Variants in ZNF311 observed in about 807,000 individuals in gnomAD.
ZNF311 encodes zinc finger protein 311, also known as zinc finger protein zfp31.
ZNF311 carries 14 observed loss-of-function variants against 22.7 expected under a neutral mutation model. The observed-to-expected ratio is 0.62, with a 90% CI of 0.41 to 0.96. The LOEUF (loss-of-function observed/expected upper bound fraction) is 0.96, where lower values mean the gene tolerates loss of function less well. Among genes scored for constraint, ZNF311 ranks in the 40% least tolerant of loss-of-function variants. ZNF311 has a pLI of 0.00. For missense variants in ZNF311, 731 were observed against 799.0 expected (o/e 0.91, Z 1.03); for synonymous variants, 250 against 275.3 (o/e 0.91, Z 0.91).
Position 28,995,294 on chromosome 6 carries a change from G to A in ZNF311, c.1708C>T (p.Leu570=), listed in dbSNP as rs1779320628. The A allele has an allele frequency of 1.2e-6, 2 of 1,614,018 alleles. No homozygotes were observed. Among genetic ancestry groups the A allele is most frequent in the Non-Finnish European group, 1.7e-6 (2 of 1,180,032 alleles). ...GTGTGGATTCTTTTGTGCTGCCTCAGGACTGAACTATGATGGAAGGCCATT... is the reference window on the plus strand; with the variant it reads ...GTGTGGATTCTTTTGTGCTGCCTCAAGACTGAACTATGATGGAAGGCCATT... ...CGMAFHHSSV[L]RQHKRIHTGE... is the part of the protein sequence containing the mutation. Residue 570 remains leucine (L), a synonymous_variant, in exon 7 of 7, where the codon CTG becomes TTG. Transcript: ENST00000377179. The surrounding 1 kb of genome is among the most constrained non-coding windows in gnomAD (Gnocchi z 4.7).
chr6:29,003,116 A>G (rs1318604684), intron 3 of ZNF311, among the ~76,000 whole-genome samples: 1 of 152,208 alleles, frequency 6.6e-6, no homozygotes, highest in Non-Finnish European at 1.5e-5. Context: ...ATATATTCAA[A>G]TTTTACATGT....
Position 28,996,050 on chromosome 6 carries a change from G to C in ZNF311, c.952C>G (p.Leu318Val). 3.1e-6 allele frequency: 5 copies of C among 1,613,372 alleles called. No individual in the cohort carries two copies. The highest frequency in any genetic ancestry group is 4.2e-6 in the Non-Finnish European group (5 of 1,180,036). ...CTGTGGGTTTTTTTATGTCGGCAAA[G>C]AGCTGATCTACTGTTGAAAGCCTTC... ...CGKAFNSRSA[L>V]CRHKKTHSGE... The change falls in exon 7 of 7, where the codon CTT becomes GTT. Residue 318 changes from leucine to valine, a missense_variant. Transcript: ENST00000377179.
chr6:29,001,704 A>G (rs1322812361), intron 3 of ZNF311, among the ~76,000 whole-genome samples: 1 of 152,258 alleles, frequency 6.6e-6, no homozygotes, highest in Non-Finnish European at 1.5e-5. Context: ...ATATCCATAT[A>G]CCAATCACTT....
chr6:28,994,833 T>C lies in ZNF311; in HGVS notation c.*168A>G. 1.4e-6 allele frequency: 1 copy of C among 714,374 alleles called. No homozygotes were observed. The highest frequency in any genetic ancestry group is 3.1e-5 in the Admixed American group (1 of 32,768). 44.3% of individuals were successfully genotyped at this position (714,374 alleles called of 1,614,324 possible). A position where few individuals can be genotyped will look rare whatever the true frequency, so the allele number is the denominator to read the frequency against. On this transcript the variant is annotated 3_prime_UTR_variant, in exon 7 of 7. Coordinates refer to ENST00000377179, the MANE Select transcript of ZNF311 (RefSeq NM_001382360.1). ...TATTAGGAAGTGATTGATAAACTCT[T>C]GGAAGTAAATGTGCTCACTGAAAAA...
Position 29,003,510 on chromosome 6 carries a change from C to T in ZNF311, c.91+3G>A. On this transcript the variant is annotated splice_donor_region_variant and intron_variant, in intron 3 of 6. Coordinates refer to ENST00000377179, the MANE Select transcript of ZNF311 (RefSeq NM_001382360.1). Reference sequence around the variant, plus strand: ...TCCTGCCACAATCTCCTGTGTATCTCACCGCTTTCCTGAGGGAGCTGGGTA... The same window carrying T: ...TCCTGCCACAATCTCCTGTGTATCTTACCGCTTTCCTGAGGGAGCTGGGTA... 1.2e-6 allele frequency: 2 copies of T among 1,613,034 alleles called. No individual in the cohort carries two copies. Among genetic ancestry groups the T allele is most frequent in the South Asian group, 1.1e-5 (1 of 91,090 alleles).
In ZNF311 at chr6:29,004,002, C is replaced by G. The variant is rs1780820548; in HGVS notation, c.-48G>C. 1.2e-6 allele frequency: 2 copies of G among 1,612,828 alleles called. No homozygotes were observed. The highest frequency in any genetic ancestry group is 1.7e-6 in the Non-Finnish European group (2 of 1,179,922). ...CAGTCTTCCACTGCTGTCCTGGTTT[C>G]TTCCTACTGGTCAGATCCAGTTCTC... On this transcript the variant is annotated 5_prime_UTR_variant, in exon 2 of 7. Coordinates refer to ENST00000377179, the MANE Select transcript of ZNF311 (RefSeq NM_001382360.1).
At position 28,995,785 on chromosome 6, in the gene ZNF311, ATG is replaced by A; in HGVS notation, c.1215_1216del (p.Ile406LysfsTer10). The A allele has an allele frequency of 1.2e-6, 2 of 1,612,978 alleles. No homozygotes were observed. The highest frequency in any genetic ancestry group is 1.1e-5 in the South Asian group (1 of 91,030). On this transcript the variant is annotated frameshift_variant, in exon 7 of 7. Transcript: ENST00000377179. LOFTEE classifies it low-confidence loss of function (END_TRUNC). This position sits in a 1 kb window ranked among gnomAD's most constrained non-coding sequence, Gnocchi z 4.7. Reference sequence around the variant, plus strand: ...AGGTCGTTCCCCAGTGTGGATTCTTATGTGTTTGGTGAGGTCTGAACTCCCAC... The same window carrying A: ...AGGTCGTTCCCCAGTGTGGATTCTTATGTTTGGTGAGGTCTGAACTCCCAC...
intron 6 of ZNF311, 57 bp from the exon 7 acceptor site, chr6:28,996,643 G>A: frequency 6.6e-7 from 1 of 1,518,798 alleles, no homozygotes. Flanking sequence ...TGGGAGGCGT[G>A]AAGCAATGTT....
Position 29,003,610 on chromosome 6 carries a change from G to C in ZNF311, c.10-16C>G. ...ACAGCACAACCTATTGCAAGACACA[G>C]AATGAATTCAGGAAAGTTATGAAGG... On this transcript the variant is annotated splice_polypyrimidine_tract_variant and intron_variant, in intron 2 of 6. Coordinates refer to ENST00000377179, the MANE Select transcript of ZNF311 (RefSeq NM_001382360.1). The C allele has an allele frequency of 6.2e-7, 1 of 1,612,872 alleles. No homozygotes were observed. Among genetic ancestry groups the C allele is most frequent in the Non-Finnish European group, 8.5e-7 (1 of 1,179,844 alleles).
chr6:29,002,641 G>C (rs1988329), intron 3 of ZNF311, among the ~76,000 whole-genome samples: 1 of 126,242 alleles, frequency 7.9e-6, no homozygotes, highest in East Asian at 2.5e-4. Flanking sequence ...TTTTTTTTTA[G>C]ACAGAGTCTC....
chr6:28,999,774 G>T, intron 4 of ZNF311, 161 bp from the exon 5 acceptor site: 1 of 1,272,860 alleles, frequency 7.9e-7, no homozygotes, highest in Non-Finnish European at 1.1e-6. Flanking sequence ...ATGGGGTTTT[G>T]ATAGCAAAAA....
In ZNF311 at chr6:29,004,031, C is replaced by G; in HGVS notation, c.-77G>C. Reference sequence around the variant, plus strand: ...CTACTGGTCAGATCCAGTTCTCAAACAAGCTGTGAAGTGGCTCCAGTTGAT... The same window carrying G: ...CTACTGGTCAGATCCAGTTCTCAAAGAAGCTGTGAAGTGGCTCCAGTTGAT... On this transcript the variant is annotated 5_prime_UTR_variant, in exon 2 of 7. Transcript: ENST00000377179. The G allele has an allele frequency of 6.2e-7, 1 of 1,612,296 alleles. No homozygotes were observed. Among genetic ancestry groups the G allele is most frequent in the Non-Finnish European group, 8.5e-7 (1 of 1,179,608 alleles).
chr6:29,004,442 C>CTTTTTTTTTTTTTTTT (rs9280531), intron 1 of ZNF311, among the ~76,000 whole-genome samples: 25 of 30,606 alleles, frequency 8.2e-4, no homozygotes, highest in African/African-American at 2.7e-3. Context: ...TTCCTCCTTT[C>CTTTTTTTTTTTTTTTT]TTTTTTTTTT....
At chr6:28,998,498 C>A (rs1056350503) in intron 6 of ZNF311, among the ~76,000 whole-genome samples, 6 of 152,124 alleles carry the variant, frequency 3.9e-5, no homozygotes, top group African/African-American at 7.2e-5. Context: ...AGCCTCTGAG[C>A]CTTTTTTGAG....
intron 3 of ZNF311, 113 bp from the exon 4 acceptor site, chr6:29,000,160 T>G: frequency 9.4e-6 from 9 of 953,980 alleles, no homozygotes; most frequent in South Asian, 1.5e-5. Context: ...ACCTAGGGCT[T>G]TAGGCTACTG....
rs1255757390 is a variant in ZNF311, at chr6:28,996,156, T to C, written c.846A>G (p.Lys282=). The C allele has an allele frequency of 6.2e-7, 1 of 1,613,558 alleles. No homozygotes were observed. The highest frequency in any genetic ancestry group is 8.5e-7 in the Non-Finnish European group (1 of 1,180,048). Residue 282 remains lysine, a synonymous_variant, in exon 7 of 7, where the codon AAA becomes AAG. Coordinates refer to ENST00000377179, the MANE Select transcript of ZNF311 (RefSeq NM_001382360.1). Reference sequence around the variant, plus strand: ...AAAGCTGATTTCTGGTCTTGAATGCTTTCCCACACTCATTACACACATGGG... The same window carrying C: ...AAAGCTGATTTCTGGTCTTGAATGCCTTCCCACACTCATTACACACATGGG... ...EKPHVCNECG[K]AFKTRNQLSM... is the part of the protein sequence containing the mutation.
Position 29,003,500 on chromosome 6 carries a change from CTG to C in ZNF311, c.91+11_91+12del. 6.2e-7 allele frequency: 1 copy of C among 1,612,938 alleles called. No homozygotes were observed. The highest frequency in any genetic ancestry group is 1.1e-5 in the South Asian group (1 of 91,088). On this transcript the variant is annotated intron_variant, in intron 3 of 6. Coordinates refer to ENST00000377179, the MANE Select transcript of ZNF311 (RefSeq NM_001382360.1). Reference sequence around the variant, plus strand: ...CTGCCGTGACTCCTGCCACAATCTCCTGTGTATCTCACCGCTTTCCTGAGGGA... The same window carrying C: ...CTGCCGTGACTCCTGCCACAATCTCCTGTATCTCACCGCTTTCCTGAGGGA...
intron 6 of ZNF311, 119 bp downstream of exon 6, chr6:28,998,615 T>C (rs1779968113): frequency 1.5e-6 from 1 of 663,520 alleles, no homozygotes; most frequent in Non-Finnish European, 2.6e-6. Context: ...TTTCCTTAAG[T>C]TTCCTAAATG....
Position 28,996,536 on chromosome 6 carries a change from CTTG to C in ZNF311, c.463_465del (p.Gln155del), listed in dbSNP as rs747183682. Reference sequence around the variant, plus strand: ...TAGGCTTCTCCATTTTCAAAAATCTCTTGTTGTGAACTTGCCTTTTCATTCTCA... The same window carrying C: ...TAGGCTTCTCCATTTTCAAAAATCTCTTGTGAACTTGCCTTTTCATTCTCA... On this transcript the variant is annotated inframe_deletion, in exon 7 of 7. Transcript: ENST00000377179. The C allele has an allele frequency of 2.5e-6, 4 of 1,604,486 alleles. No individual in the cohort carries two copies. Among genetic ancestry groups the C allele is most frequent in the Admixed American group, 1.7e-5 (1 of 59,530 alleles).
Sources: allele counts gnomAD v4.1 joint callset (sites outside exome capture counted in the v4.1 genomes callset), GRCh38; gene constraint gnomAD v4.1.1; non-coding constraint Gnocchi (gnomAD v3.1); transcripts MANE v1.5; gene names NCBI Gene and HGNC (gene_info 2026-07-23, HGNC 2026-07-21).